C14orf93: variants seen among roughly 807,000 people sequenced by gnomAD.
C14orf93 encodes uncharacterized protein C14orf93.
A neutral mutation model predicts 44.0 loss-of-function variants in C14orf93; 23 were observed. The observed-to-expected ratio is 0.52, with a 90% CI of 0.38 to 0.74. The LOEUF is 0.74. Ranked by LOEUF, C14orf93 falls within the 30% of genes least tolerant of loss-of-function variation. C14orf93 has a pLI of 0.00. For missense variants in C14orf93, 579 were observed against 678.9 expected, an observed-to-expected ratio of 0.85 and a Z score of 1.64; for synonymous variants, 253 against 265.7, an observed-to-expected ratio of 0.95 and a Z score of 0.46.
At position 22,998,519 on chromosome 14, in the gene C14orf93, G is replaced by T; in HGVS notation, c.505C>A (p.Pro169Thr). 1 of 1,613,784 alleles carries T rather than the reference G, an allele frequency of 6.2e-7. No individual in the cohort carries two copies. Among genetic ancestry groups the T allele is most frequent in the South Asian group, 1.1e-5 (1 of 91,068 alleles). Residue 169 changes from proline to threonine, a missense_variant, in exon 2 of 7, where the codon CCT becomes ACT. Pro to Thr is a conservative substitution (Grantham distance 38, BLOSUM62 -1). Transcript: ENST00000299088. ...GTTGCTGGGAAGCCCAAAGGCCCAG[G>T]CCCCACTGAGGCTGCTCCCAGCTGC... ...LRQLGAASVG[P>T]GPLGFPATQR...
At chr14:23,003,880 A>T (rs867701003) in intron 1 of C14orf93, among the ~76,000 whole-genome samples, 1 of 15,984 alleles carries the variant, frequency 6.3e-5, no homozygotes, top group Non-Finnish European at 1.2e-4. Context: ...ATATATATAT[A>T]TATATATATA....
At position 22,987,302 on chromosome 14, in the gene C14orf93, A is replaced by G. The variant is rs2045277898; in HGVS notation, c.1530T>C (p.Pro510=). The G allele has an allele frequency of 1.2e-6, 2 of 1,614,268 alleles. No homozygotes were observed. The highest frequency in any genetic ancestry group is 4.5e-5 in the East Asian group (2 of 44,890). ...EEDEGGDENA[P]GSPSFDQPHK... ...GGGGTTGGTCAAAAGATGGGGAGCC[A>G]GGTGCATTCTCATCCCCTCCCTCAT... The change falls in exon 7 of 7, where the codon CCT becomes CCC. Residue 510 remains proline, a synonymous_variant. Transcript: ENST00000299088. The surrounding 1 kb of genome is among the most constrained non-coding windows in gnomAD (Gnocchi z 5.6).
At chr14:23,002,232 C>T (rs1483174177) in intron 1 of C14orf93, among the ~76,000 whole-genome samples, 1 of 151,368 alleles carries the variant, frequency 6.6e-6, no homozygotes, top group Non-Finnish European at 1.5e-5. Flanking sequence ...GGGTGGATAA[C>T]TTGACGTTAG....
At position 22,996,219 on chromosome 14, in the gene C14orf93, A is replaced by G. The variant is rs1197915954; in HGVS notation, c.647T>C (p.Val216Ala). 8 of 1,605,528 alleles carry G rather than the reference A, an allele frequency of 5.0e-6. 1 individual carries two copies. The South Asian group carries it at 8.9e-5, about 18-fold the overall frequency. Residue 216 changes from valine (V) to alanine (A), a missense_variant, in exon 3 of 7, where the codon GTC (valine) becomes GCC (alanine). By Grantham distance (64) the Val-to-Ala change is moderately conservative. Transcript: ENST00000299088. This position sits in a 1 kb window ranked among gnomAD's most constrained non-coding sequence, Gnocchi z 4.1. ...ASEGAVQRVLVPAYAKQLSPA... is the reference protein window; with the variant it reads ...ASEGAVQRVLAPAYAKQLSPA... ...TGAGAGTTGCTTGGCATAAGCAGGG[A>G]CCAGAACTCGCTGTACTGCACCCTC... is the stretch of plus-strand genomic sequence containing the variant.
Position 22,990,083 on chromosome 14 carries a change from T to G in C14orf93, c.963A>C (p.Arg321Ser). ...NVHNHITNDK[R>S]FNGSESIKSS... ...GACCATACCTTTCAGACCCATTGAA[T>G]CTCTTGTCATTGGTGATGTGGTTAT... Residue 321 changes from arginine (R) to serine (S), a missense_variant, in exon 4 of 7, where the codon AGA (arginine) becomes AGC (serine). Transcript: ENST00000299088. 2 of 1,613,556 alleles carry G rather than the reference T, an allele frequency of 1.2e-6. No individual in the cohort carries two copies. Among genetic ancestry groups the G allele is most frequent in the Non-Finnish European group, 1.7e-6 (2 of 1,179,566 alleles).
At chr14:23,002,451 CAAAAA>C (rs397709228) in intron 1 of C14orf93, among the ~76,000 whole-genome samples, 2 of 89,074 alleles carry the variant, frequency 2.2e-5, no homozygotes, top group Admixed American at 1.3e-4. Context: ...GACTCCATCT[CAAAAA>C]AAAAAAAAAA....
Position 22,986,997 on chromosome 14 carries a change from T to A in C14orf93, c.*218A>T. On this transcript the variant is annotated 3_prime_UTR_variant, in exon 7 of 7. Coordinates refer to ENST00000299088, the MANE Select transcript of C14orf93 (RefSeq NM_021944.4). ...TGTTTATGCTGAGGAATAAGCATAT[T>A]CTGGCTTACTGTTCACAGTGGAGGG... The A allele has an allele frequency of 1.7e-6, 1 of 589,016 alleles. No individual in the cohort carries two copies. Among genetic ancestry groups the A allele is most frequent in the South Asian group, 2.1e-5 (1 of 47,206 alleles). 36.5% of individuals were successfully genotyped at this position (589,016 alleles called of 1,614,324 possible). A position where few individuals can be genotyped will look rare whatever the true frequency, so the allele number is the denominator to read the frequency against.
intron 2 of C14orf93, chr14:22,998,198 G>C (rs915063115): frequency 2.0e-6 from 1 of 508,906 alleles, no homozygotes; most frequent in African/African-American, 2.0e-5. Context: ...AGAGGGAAGG[G>C]CACCCCATCA....
At chr14:22,989,641 C>A in intron 5 of C14orf93, 101 bp downstream of exon 5, 1 of 848,372 alleles carries the variant, frequency 1.2e-6, no homozygotes, top group South Asian at 1.5e-5. Context: ...TTCAAAACCA[C>A]CTAATCATCT....
chr14:22,996,237 G>A lies in C14orf93; in HGVS notation c.629C>T (p.Ala210Val). Residue 210 changes from alanine (A) to valine (V), a missense_variant, in exon 3 of 7, where the codon GCA becomes GTA. Ala to Val is a moderately conservative substitution (Grantham distance 64). Transcript: ENST00000299088. The surrounding 1 kb of genome is among the most constrained non-coding windows in gnomAD (Gnocchi z 4.1). ...LVDDYVASEG[A>V]VQRVLVPAYA... ...AGCAGGGACCAGAACTCGCTGTACTGCACCCTCAGAGGCCACGTAATCATC... is the reference window on the plus strand; with the variant it reads ...AGCAGGGACCAGAACTCGCTGTACTACACCCTCAGAGGCCACGTAATCATC... 1 of 1,578,950 alleles carries A rather than the reference G, an allele frequency of 6.3e-7. No homozygotes were observed. Among genetic ancestry groups the A allele is most frequent in the Non-Finnish European group, 8.6e-7 (1 of 1,158,084 alleles).
In C14orf93 at chr14:22,999,218, C is replaced by T; in HGVS notation, c.-195G>A. 1.3e-6 allele frequency: 1 copy of T among 780,780 alleles called. No homozygotes were observed. The highest frequency in any genetic ancestry group is 1.9e-6 in the Non-Finnish European group (1 of 519,022). 48.4% of individuals were successfully genotyped at this position (780,780 alleles called of 1,614,324 possible). On this transcript the variant is annotated 5_prime_UTR_variant, in exon 2 of 7. Coordinates refer to ENST00000299088, the MANE Select transcript of C14orf93 (RefSeq NM_021944.4). ...ACAGTCCATGGCGGCCTCTCCTCGG[C>T]CTGCAGAAGGGAGACAGGTGCCTTC...
chr14:22,989,952 A>C, intron 4 of C14orf93, 107 bp from the exon 5 acceptor site: 1 of 1,412,488 alleles, frequency 7.1e-7, no homozygotes, highest in African/African-American at 1.4e-5. Flanking sequence ...CCACAGCCTA[A>C]GAAGGTATGG....
intron 1 of C14orf93, chr14:23,007,231 C>G (rs1471934561): frequency 6.6e-6 from 1 of 152,268 alleles, no homozygotes; most frequent in Admixed American, 6.5e-5. Context: ...GGCTGGGGAG[C>G]AGGGTCACGG....
rs2045998290 is a variant in C14orf93, at chr14:22,996,817, C to T, written c.598-549G>A. Among the ~76,000 whole-genome samples, 1 of 152,110 alleles carries T rather than the reference C, an allele frequency of 6.6e-6. No individual in the cohort carries two copies. The highest frequency in any genetic ancestry group is 2.1e-4 in the South Asian group (1 of 4,826). On this transcript the variant is annotated intron_variant, in intron 2 of 6. Transcript: ENST00000299088. This position sits in a 1 kb window ranked among gnomAD's most constrained non-coding sequence, Gnocchi z 4.1. ...ACCTTGATCCTGCCCCGGCCACATT[C>T]GACTGTCATAGCCCCTGACATCTAC...
intron 1 of C14orf93, among the ~76,000 whole-genome samples, chr14:23,004,069 C>T (rs1265152577): frequency 6.8e-6 from 1 of 146,632 alleles, no homozygotes; most frequent in Non-Finnish European, 1.5e-5. Context: ...GCCACCACTC[C>T]CAGGTAATTT....
Position 22,996,130 on chromosome 14 carries a change from G to A in C14orf93, c.736C>T (p.Leu246=). Residue 246 remains leucine, a synonymous_variant, in exon 3 of 7, where the codon CTG becomes TTG. Transcript: ENST00000299088. The surrounding 1 kb of genome is among the most constrained non-coding windows in gnomAD (Gnocchi z 4.1). ...ATGTCCTCAGGGCGGGGTGGTGGCA[G>A]CTTGGTTCCATTTTCTGGTCCTGTC... The part of the protein sequence containing the change: ...PETGPENGTK[L]PPPRPEDMLN... The A allele has an allele frequency of 6.2e-7, 1 of 1,614,074 alleles. No homozygotes were observed. Among genetic ancestry groups the A allele is most frequent in the South Asian group, 1.1e-5 (1 of 91,070 alleles).
rs1437303931 is a variant in C14orf93, at chr14:22,987,776, C to CT, written c.1197+126dup. 5.0e-6 allele frequency: 6 copies of CT among 1,207,664 alleles called. No homozygotes were observed. The African/African-American group carries it at 9.1e-5, about 18-fold the overall frequency. The allele number at this position is 1,207,664 out of a possible 1,614,324, so 74.8% of individuals were successfully genotyped here. ...CAAGTCAGATCTTAGCATTGGCTCA[C>CT]TGTTCTTCTCTATCTTCCTACATTC... is the stretch of plus-strand genomic sequence containing the variant. On this transcript the variant is annotated intron_variant, in intron 6 of 6. Coordinates refer to ENST00000299088, the MANE Select transcript of C14orf93 (RefSeq NM_021944.4). The surrounding 1 kb of genome is among the most constrained non-coding windows in gnomAD (Gnocchi z 5.6).
chr14:22,991,255 G>A (rs898302636), intron 3 of C14orf93, among the ~76,000 whole-genome samples: 8 of 150,358 alleles, frequency 5.3e-5, no homozygotes, highest in Admixed American at 3.3e-4. Context: ...AGCCGGGCGC[G>A]GTGGCTCATG....
chr14:23,004,430 T>C (rs1458752872), intron 1 of C14orf93, among the ~76,000 whole-genome samples: 1 of 151,878 alleles, frequency 6.6e-6, no homozygotes, highest in Non-Finnish European at 1.5e-5. Flanking sequence ...AGTGCTGAGA[T>C]TACAGGTGTG....
Sources: gnomAD v4.1 joint callset for allele counts (sites outside exome capture counted in the v4.1 genomes callset) on GRCh38, gnomAD v4.1.1 for gene constraint, Gnocchi (gnomAD v3.1) non-coding constraint, MANE v1.5 for transcripts, NCBI Gene and HGNC (gene_info 2026-07-23, HGNC 2026-07-21) for gene names.